TXNRD1: variants seen among roughly 807,000 people sequenced by gnomAD.
The protein encoded by TXNRD1 is thioredoxin reductase 1, cytoplasmic.
Under a neutral mutation model 80.3 loss-of-function variants are expected in TXNRD1, and 57 were observed. The observed-to-expected ratio is 0.71, with a 90% confidence interval of 0.57 to 0.89. TXNRD1 has a LOEUF of 0.89. TXNRD1 is among the 40% of genes least tolerant of loss of function. The pLI is 0.00. For missense variants in TXNRD1, 730 were observed against 803.0 expected, an observed-to-expected ratio of 0.91 and a Z score of 1.10; for synonymous variants, 291 against 285.2, an observed-to-expected ratio of 1.02 and a Z score of -0.20.
intron 1 of TXNRD1, among the ~76,000 whole-genome samples, chr12:104,238,710 C>T (rs1010875632): frequency 3.3e-5 from 5 of 152,158 alleles, no homozygotes. Flanking sequence ...GTTTAATCAA[C>T]CTGTGCAAGG....
chr12:104,277,418 A>G (rs1026586831), intron 3 of TXNRD1, among the ~76,000 whole-genome samples: 9 of 139,278 alleles, frequency 6.5e-5, no homozygotes, highest in African/African-American at 2.4e-4. Flanking sequence ...AAAAAAAATT[A>G]GTCAGGCACG....
At chr12:104,284,551 G>C (rs1229382606) in intron 3 of TXNRD1, 2 of 152,198 alleles carry the variant, frequency 1.3e-5, no homozygotes, top group Admixed American at 6.5e-5. Context: ...ATTTGTTATA[G>C]CTTAGATGAC....
chr12:104,334,391 GT>G (rs937477885), intron 15 of TXNRD1, 59 bp downstream of exon 15: 3,896 of 969,530 alleles, frequency 4.0e-3, no homozygotes, highest in South Asian at 5.7e-3. Context: ...TTTTGTTGTT[GT>G]TTTTTTTTTA....
At chr12:104,306,107 G>A (rs61937912) in intron 4 of TXNRD1, among the ~76,000 whole-genome samples, 2,275 of 152,120 alleles carry the variant, frequency 0.015, 23 homozygotes, top group Non-Finnish European at 0.023. Context: ...TTTCGCCATG[G>A]TAGCCAGGCT....
intron 4 of TXNRD1, among the ~76,000 whole-genome samples, chr12:104,308,571 T>C (rs1353056118): frequency 2.0e-5 from 3 of 152,166 alleles, no homozygotes; most frequent in African/African-American, 7.2e-5. Flanking sequence ...ATATAGTAAA[T>C]AGATAAAACC....
chr12:104,252,660 T>TATATATATATATA (rs1182730147), intron 2 of TXNRD1, among the ~76,000 whole-genome samples: 6 of 53,210 alleles, frequency 1.1e-4, no homozygotes, highest in African/African-American at 6.3e-4. Context: ...ATTTATTATT[T>TATATATATATATA]TTTATATATA....
chr12:104,323,336 G>A (rs1209147459), intron 10 of TXNRD1, among the ~76,000 whole-genome samples: 4 of 151,158 alleles, frequency 2.6e-5, no homozygotes. Flanking sequence ...CCCAGAAGGG[G>A]TGGTGGCCGG....
chr12:104,311,199 G>C (rs1593811859), intron 4 of TXNRD1, 91 bp from the exon 5 acceptor site: 1 of 1,390,484 alleles, frequency 7.2e-7, no homozygotes, highest in Non-Finnish European at 9.6e-7. Context: ...AATTCCTTTT[G>C]TTTTTCTTTA....
At chr12:104,326,725 C>T (rs536641345) in intron 12 of TXNRD1, among the ~76,000 whole-genome samples, 11 of 152,234 alleles carry the variant, frequency 7.2e-5, no homozygotes, top group Non-Finnish European at 1.2e-4. Context: ...CTTGGCCTCC[C>T]AAAGTGCTGG....
In TXNRD1 at chr12:104,233,928, C is replaced by T. The variant is rs967896515; in HGVS notation, c.92-17599C>T. ...TTTCAAGCAAAAGTCAAAAGGGTTG[C>T]TTTAACTTTCTGAGTGCAGTCCATT... is the stretch of plus-strand genomic sequence containing the variant. On this transcript the variant is annotated intron_variant, in intron 1 of 16. Coordinates refer to ENST00000525566, the MANE Select transcript of TXNRD1 (RefSeq NM_001093771.3). 9.9e-5 allele frequency among the ~76,000 whole-genome samples: 15 copies of T among 152,230 alleles called. 2 individuals carry two copies. The highest frequency in any genetic ancestry group is 8.5e-4 in the Admixed American group (13 of 15,294).
At chr12:104,286,978 C>T (rs1362957589) in intron 3 of TXNRD1, 4 of 1,260,078 alleles carry the variant, frequency 3.2e-6, no homozygotes, top group Non-Finnish European at 4.0e-6. Context: ...CGGCGCAGGG[C>T]GTGGCTTCTC....
intron 1 of TXNRD1, among the ~76,000 whole-genome samples, chr12:104,223,147 A>G (rs1295017361): frequency 6.6e-6 from 1 of 152,204 alleles, no homozygotes; most frequent in African/African-American, 2.4e-5. Context: ...GCTCACTTAT[A>G]TAGTGGCATT....
chr12:104,236,680 T>A (rs1456787042), intron 1 of TXNRD1, among the ~76,000 whole-genome samples: 1 of 151,340 alleles, frequency 6.6e-6, no homozygotes, highest in Non-Finnish European at 1.5e-5. Context: ...TCCCAGCTAC[T>A]TGGGAGGCTG....
intron 13 of TXNRD1, among the ~76,000 whole-genome samples, 192 bp from the exon 14 acceptor site, chr12:104,331,342 C>T (rs2035939735): frequency 6.6e-6 from 1 of 152,110 alleles, no homozygotes; most frequent in South Asian, 2.1e-4. Context: ...CTTCTATCCA[C>T]TAAACTTTTC....
chr12:104,279,664 ATC>A (rs2033834811), intron 3 of TXNRD1, among the ~76,000 whole-genome samples: 1 of 152,232 alleles, frequency 6.6e-6, no homozygotes, highest in African/African-American at 2.4e-5. Context: ...TTCTGCAATT[ATC>A]TCTTTTTGCT....
intron 1 of TXNRD1, among the ~76,000 whole-genome samples, chr12:104,250,721 G>C (rs1016207219): frequency 1.3e-5 from 2 of 152,210 alleles, no homozygotes; most frequent in Non-Finnish European, 2.9e-5. Context: ...GATTGAAGAA[G>C]GATGAATGGC....
chr12:104,259,586 G>A (rs1192801107), intron 3 of TXNRD1, among the ~76,000 whole-genome samples: 1 of 149,904 alleles, frequency 6.7e-6, no homozygotes, highest in Non-Finnish European at 1.5e-5. Context: ...CCGCCTCCCA[G>A]GTTCAAGCAA....
intron 4 of TXNRD1, among the ~76,000 whole-genome samples, chr12:104,299,631 G>A (rs1593781417): frequency 1.3e-5 from 2 of 151,980 alleles, no homozygotes; most frequent in Non-Finnish European, 2.9e-5. Flanking sequence ...GCCAGGCGTG[G>A]TGACTCGTGC....
chr12:104,294,233 G>GGAGAA (rs60817773), intron 4 of TXNRD1, among the ~76,000 whole-genome samples: 6 of 68,790 alleles, frequency 8.7e-5, no homozygotes, highest in East Asian at 8.3e-4. Context: ...CCGGGGAAAG[G>GGAGAA]CCCCCCCCCC....
Sources: allele counts gnomAD v4.1 joint callset (sites outside exome capture counted in the v4.1 genomes callset), GRCh38; gene constraint gnomAD v4.1.1; transcripts MANE v1.5; gene names NCBI Gene and HGNC (gene_info 2026-07-23, HGNC 2026-07-21).